Variants in LAMC3 observed in about 807,000 individuals in gnomAD.
The protein encoded by LAMC3 is laminin subunit gamma 3, also known as laminin subunit gamma-3.
In LAMC3, 128 loss-of-function variants were observed where a neutral mutation model predicts 173.8. The ratio of observed to expected loss-of-function variants is 0.74; its 90% CI spans 0.64 to 0.85. The LOEUF is 0.85. LAMC3 is among the 40% of genes least tolerant of loss of function. The probability of loss-of-function intolerance (pLI) is 0.00; values close to 1 mark genes in which losing one functional copy is unlikely to be tolerated. For missense variants in LAMC3, 2,022 were observed against 2,156.0 expected (o/e 0.94, Z 1.23); for synonymous variants, 897 against 909.1 (o/e 0.99, Z 0.24).
intron 13 of LAMC3, 76 bp from the exon 14 acceptor site, chr9:131,066,884 C>A (rs1466244241): frequency 6.6e-5 from 104 of 1,579,512 alleles, no homozygotes; most frequent in Non-Finnish European, 8.7e-5. Context: ...GGGACGCTTG[C>A]TCTGCTTCAC....
chr9:131,071,255 G>A (rs572335849), intron 17 of LAMC3, among the ~76,000 whole-genome samples: 1 of 152,174 alleles, frequency 6.6e-6, no homozygotes, highest in African/African-American at 2.4e-5. Context: ...ACAGCAGTGT[G>A]GTCAGCGGTG....
At chr9:131,079,943 C>A (rs1267803644) in intron 23 of LAMC3, among the ~76,000 whole-genome samples, 1 of 152,258 alleles carries the variant, frequency 6.6e-6, no homozygotes, top group East Asian at 1.9e-4. Context: ...AGAGAAGCGG[C>A]CACTTTCCAA....
chr9:131,018,334 C>T (rs2133212637), intron 1 of LAMC3, among the ~76,000 whole-genome samples: 1 of 152,012 alleles, frequency 6.6e-6, no homozygotes, highest in African/African-American at 2.4e-5. Context: ...GAGGTTTCAC[C>T]ATGTTGCCCA....
chr9:131,057,500 A>G (rs2133291931), intron 12 of LAMC3, among the ~76,000 whole-genome samples: 1 of 152,268 alleles, frequency 6.6e-6, no homozygotes, highest in East Asian at 1.9e-4. Flanking sequence ...CTTTACATGC[A>G]GAGGGTGCTG....
rs1379196616 is a variant in LAMC3 at position 131,041,696 on chromosome 9, G to A, written c.1343G>A (p.Cys448Tyr). Reference protein sequence around the residue: ...LDTCDPRSGRCPCKENVEGNL... With the variant: ...LDTCDPRSGRYPCKENVEGNL... The stretch of plus-strand genomic sequence containing the variant: ...ACCTGTGACCCCCGCAGTGGGCGCT[G>A]CCCCTGCAAAGAGAATGTGGAAGGC... The change falls in exon 7 of 28, where the codon TGC becomes TAC. Residue 448 changes from cysteine to tyrosine, a missense_variant. Cys to Tyr is a radical substitution (Grantham distance 194, BLOSUM62 -2). Transcript: ENST00000361069. 1.2e-6 allele frequency: 2 copies of A among 1,613,942 alleles called. No homozygotes were observed. Among genetic ancestry groups the A allele is most frequent in the Non-Finnish European group, 1.7e-6 (2 of 1,180,044 alleles).
At chr9:131,035,733 G>A (rs1374985395) in intron 3 of LAMC3, among the ~76,000 whole-genome samples, 1 of 152,192 alleles carries the variant, frequency 6.6e-6, no homozygotes, top group Non-Finnish European at 1.5e-5. Context: ...AGCTGCTGGA[G>A]GCGGTTCCCT....
At chr9:131,017,863 T>C (rs1833553274) in intron 1 of LAMC3, among the ~76,000 whole-genome samples, 2 of 150,476 alleles carry the variant, frequency 1.3e-5, no homozygotes, top group Non-Finnish European at 3.0e-5. Context: ...CCGTCTCTAC[T>C]AAAAATACAA....
At chr9:131,034,969 A>C (rs920860514) in intron 3 of LAMC3, among the ~76,000 whole-genome samples, 93 of 112,650 alleles carry the variant, frequency 8.3e-4, no homozygotes, top group African/African-American at 3.4e-3. Context: ...TTTATTTTTG[A>C]GACAGAGTTT....
intron 3 of LAMC3, among the ~76,000 whole-genome samples, chr9:131,032,423 G>T (rs1833841720): frequency 6.6e-6 from 1 of 151,340 alleles, no homozygotes; most frequent in East Asian, 1.9e-4. Context: ...CCCTCAGCCT[G>T]GAGGTTCCTT....
In LAMC3 at chr9:131,026,053, G is replaced by A. The variant is rs181665116; in HGVS notation, c.374-232G>A. The stretch of plus-strand genomic sequence containing the variant: ...AACGGAGATTCCTGTGCAGGGTGGC[G>A]AGTTGACCCAGAAGAGGGACAGCAA... On this transcript the variant is annotated intron_variant, in intron 1 of 27. Transcript: ENST00000361069. This position sits in a 1 kb window ranked among gnomAD's most constrained non-coding sequence, Gnocchi z 4.8. 1.1e-3 allele frequency among the ~76,000 whole-genome samples: 164 copies of A among 152,322 alleles called. No individual in the cohort carries two copies. The highest frequency in any genetic ancestry group is 1.5e-3 in the Non-Finnish European group (99 of 68,022).
intron 3 of LAMC3, among the ~76,000 whole-genome samples, chr9:131,034,210 ACT>A (rs974473409): frequency 9.2e-5 from 14 of 151,780 alleles, no homozygotes; most frequent in African/African-American, 3.4e-4. Flanking sequence ...GTGGAGTCTC[ACT>A]CTCCTTTCCT....
At chr9:131,030,155 G>A (rs1833800875) in intron 2 of LAMC3, among the ~76,000 whole-genome samples, 1 of 152,072 alleles carries the variant, frequency 6.6e-6, no homozygotes, top group Non-Finnish European at 1.5e-5. Flanking sequence ...GTCCAGGCTG[G>A]TCTTGAACTC....
At chr9:131,076,096 G>C in intron 21 of LAMC3, 131 bp downstream of exon 21, 2 of 948,432 alleles carry the variant, frequency 2.1e-6, no homozygotes, top group Non-Finnish European at 3.1e-6. Flanking sequence ...GGTGTCTTGG[G>C]TCTGCATCCT....
rs1344243823 is a variant in LAMC3, at chr9:131,039,232, A to G, written c.1267A>G (p.Ser423Gly). The G allele has an allele frequency of 6.2e-7, 1 of 1,605,528 alleles. No homozygotes were observed. The highest frequency in any genetic ancestry group is 1.7e-5 in the Admixed American group (1 of 60,014). Residue 423 changes from serine (S) to glycine (G), a missense_variant, in exon 6 of 28, where the codon AGT becomes GGT. Physicochemically the swap from Ser to Gly is moderately conservative, Grantham distance 56. Transcript: ENST00000361069. ...DRCLPGFHSLSEGGCRPCTCN... is the reference protein window; with the variant it reads ...DRCLPGFHSLGEGGCRPCTCN... ...CTGTCTGCCCGGGTTCCACTCGCTCAGTGAGGGAGGCTGCAGGTGAGGGCG... is the reference window on the plus strand; with the variant it reads ...CTGTCTGCCCGGGTTCCACTCGCTCGGTGAGGGAGGCTGCAGGTGAGGGCG...
intron 7 of LAMC3, among the ~76,000 whole-genome samples, chr9:131,042,395 C>T (rs1234111326): frequency 1.3e-5 from 2 of 152,032 alleles, no homozygotes; most frequent in African/African-American, 2.4e-5. Context: ...CCATGGTACA[C>T]ATCACTAAGG....
chr9:131,045,743 T>G, intron 8 of LAMC3, 83 bp downstream of exon 8: 1 of 1,520,556 alleles, frequency 6.6e-7, no homozygotes, highest in Non-Finnish European at 9.1e-7. Flanking sequence ...GATCTTGCAT[T>G]AGTGGATCTC....
intron 24 of LAMC3, among the ~76,000 whole-genome samples, chr9:131,082,615 T>C (rs1487357513): frequency 6.6e-6 from 1 of 152,202 alleles, no homozygotes; most frequent in African/African-American, 2.4e-5. Flanking sequence ...ATGGGTAGGC[T>C]GAGGAAAGGA....
chr9:131,088,778 C>G (rs1193687190), intron 27 of LAMC3, among the ~76,000 whole-genome samples: 1 of 152,028 alleles, frequency 6.6e-6, no homozygotes, highest in Admixed American at 6.6e-5. Flanking sequence ...TACTTTCTGT[C>G]TCTATGAATT....
chr9:131,082,558 T>C (rs897666586), intron 24 of LAMC3, among the ~76,000 whole-genome samples: 1 of 152,204 alleles, frequency 6.6e-6, no homozygotes, highest in Non-Finnish European at 1.5e-5. Flanking sequence ...AGTTTCTCTT[T>C]AGAAGGGGCT....
Sources: gnomAD v4.1 joint callset for allele counts (sites outside exome capture counted in the v4.1 genomes callset) on GRCh38, gnomAD v4.1.1 for gene constraint, Gnocchi (gnomAD v3.1) non-coding constraint, MANE v1.5 for transcripts, NCBI Gene and HGNC (gene_info 2026-07-23, HGNC 2026-07-21) for gene names.